The following GARIN6 variants were observed in gnomAD, a reference collection of about 807,000 sequenced individuals.
GARIN6 encodes golgi associated RAB2 interactor family member 6, also known as Golgi-associated RAB2 interactor protein 6.
At chr12:99,648,509 C>T in the GARIN6 span, 1,736 of 1,614,126 alleles carry the variant, frequency 1.1e-3, 17 homozygotes, top group African/African-American at 0.017. Flanking sequence ...AGTCCGCCTG[C>T]AGAGATCTTA....
chr12:99,648,706 G>C, the GARIN6 span: 1 of 1,614,126 alleles, frequency 6.2e-7, no homozygotes, highest in Non-Finnish European at 8.5e-7. Context: ...ACCACCAGTG[G>C]AGGCTTACAG....
At chr12:99,648,778 A>C in the GARIN6 span, 5 of 1,610,874 alleles carry the variant, frequency 3.1e-6, no homozygotes, top group South Asian at 5.5e-5. Context: ...GGAAGTGCAG[A>C]GGAGCCCAGT....
the GARIN6 span, chr12:99,649,340 T>C: frequency 1.2e-6 from 2 of 1,614,200 alleles, no homozygotes; most frequent in Non-Finnish European, 1.7e-6. Context: ...ATCAGTAGAC[T>C]TCACATGAAT....
chr12:99,649,155 C>T, the GARIN6 span: 28 of 735,020 alleles, frequency 3.8e-5, no homozygotes, highest in Non-Finnish European at 6.1e-5. Flanking sequence ...CCTGCAATTG[C>T]CACTTATATA....
chr12:99,649,002 T>C, the GARIN6 span, among the ~76,000 whole-genome samples: 1 of 152,310 alleles, frequency 6.6e-6, no homozygotes, highest in South Asian at 2.1e-4. Flanking sequence ...CAGAGATTTC[T>C]TAGCTGTCAG....
chr12:99,648,083 G>T, the GARIN6 span: 22 of 1,514,172 alleles, frequency 1.5e-5, no homozygotes, highest in Non-Finnish European at 1.9e-5. Context: ...TGGCCCACCT[G>T]CCAGAGTAGC....
chr12:99,647,969 G>A, the GARIN6 span: 1 of 660,424 alleles, frequency 1.5e-6, no homozygotes, highest in Non-Finnish European at 2.5e-6. Context: ...TCTGGATCCA[G>A]GGGACTGACT....
the GARIN6 span, chr12:99,649,166 C>A: frequency 1.3e-6 from 1 of 782,628 alleles, no homozygotes; most frequent in Non-Finnish European, 2.2e-6. Context: ...CACTTATATA[C>A]ATTGGTGGCA....
the GARIN6 span, chr12:99,648,037 TG>T: frequency 8.1e-7 from 1 of 1,231,202 alleles, no homozygotes. Flanking sequence ...CTCAGTCACT[TG>T]GGGACAAAAA....
chr12:99,648,154 T>C, the GARIN6 span: 2 of 1,585,672 alleles, frequency 1.3e-6, no homozygotes, highest in African/African-American at 1.4e-5. Flanking sequence ...TGCTGGGAAC[T>C]GTCTTGATTT....
At chr12:99,648,233 T>C in the GARIN6 span, 2 of 1,614,188 alleles carry the variant, frequency 1.2e-6, no homozygotes, top group African/African-American at 1.3e-5. Flanking sequence ...GCAATGGGCA[T>C]GTTTAACACC....
the GARIN6 span, chr12:99,648,934 G>A: frequency 3.5e-3 from 4,104 of 1,183,774 alleles, 111 homozygotes; most frequent in African/African-American, 0.057. Context: ...CCATTTGGAG[G>A]CCATGGTACA....
the GARIN6 span, chr12:99,648,393 C>A: frequency 6.2e-7 from 1 of 1,614,144 alleles, no homozygotes. Context: ...CAATGGGCAT[C>A]GTTCGCACCA....
the GARIN6 span, chr12:99,648,786 AG>A: frequency 6.2e-7 from 1 of 1,609,312 alleles, no homozygotes; most frequent in Non-Finnish European, 8.5e-7. Context: ...AGAGGAGCCC[AG>A]TGGTGAGTCT....
At chr12:99,647,856 T>C in the GARIN6 span, 1 of 332,514 alleles carries the variant, frequency 3.0e-6, no homozygotes, top group Non-Finnish European at 5.6e-6. Context: ...CAGGCTCAAA[T>C]GGAGGTCCCT....
the GARIN6 span, chr12:99,648,118 G>A: frequency 6.4e-7 from 1 of 1,562,286 alleles, no homozygotes; most frequent in Non-Finnish European, 8.7e-7. Context: ...GCCCGCTAAA[G>A]CATGTTAAGG....
chr12:99,648,075 G>A, the GARIN6 span: 1 of 1,495,142 alleles, frequency 6.7e-7, no homozygotes, highest in Non-Finnish European at 9.0e-7. Flanking sequence ...ACGACTGCTG[G>A]CCCACCTGCC....
At chr12:99,649,441 C>A in the GARIN6 span, 1 of 1,493,282 alleles carries the variant, frequency 6.7e-7, no homozygotes, top group Non-Finnish European at 9.3e-7. Context: ...AGAGTTCACA[C>A]ACCCCTGCAG....
At chr12:99,648,581 A>G in the GARIN6 span, 1 of 1,614,114 alleles carries the variant, frequency 6.2e-7, no homozygotes, top group African/African-American at 1.3e-5. Flanking sequence ...AGCGTAAAAA[A>G]ACAGCTCCAC....
Sources: allele counts gnomAD v4.1 joint callset (sites outside exome capture counted in the v4.1 genomes callset), GRCh38; gene constraint gnomAD v4.1.1; transcripts MANE v1.5; gene names NCBI Gene and HGNC (gene_info 2026-07-23, HGNC 2026-07-21).